Variants in NELL1 observed in about 807,000 individuals in gnomAD.
The protein encoded by NELL1 is neural EGFL like 1.
In NELL1, 76 loss-of-function variants were observed where a neutral mutation model predicts 107.4. The observed-to-expected ratio is 0.71, with a 90% CI of 0.59 to 0.86. The LOEUF (loss-of-function observed/expected upper bound fraction) is 0.86. Ranked by LOEUF, NELL1 falls within the 40% of genes least tolerant of loss-of-function variation. The probability of loss-of-function intolerance (pLI) is 0.00; values close to 1 mark genes in which losing one functional copy is unlikely to be tolerated. For synonymous variants in NELL1, 353 were observed against 341.2 expected (o/e 1.03, Z -0.38); for missense variants, 1,024 against 1,005.5 (o/e 1.02, Z -0.25).
At chr11:21,119,601 A>T (rs1855317929) in intron 13 of NELL1, among the ~76,000 whole-genome samples, 1 of 151,982 alleles carries the variant, frequency 6.6e-6, no homozygotes, top group Non-Finnish European at 1.5e-5. Context: ...AATCTAAAAC[A>T]TTTGGCCTTT....
At chr11:21,374,558 G>C (rs1273440364) in intron 15 of NELL1, among the ~76,000 whole-genome samples, 2 of 152,028 alleles carry the variant, frequency 1.3e-5, no homozygotes, top group Non-Finnish European at 2.9e-5. Context: ...CCTTAGAGGA[G>C]ACTCACTCTA....
intron 15 of NELL1, among the ~76,000 whole-genome samples, chr11:21,373,942 G>A (rs1311377378): frequency 1.3e-5 from 2 of 151,986 alleles, no homozygotes; most frequent in African/African-American, 4.8e-5. Flanking sequence ...AAGGGCTGCT[G>A]GTGAATGCTC....
intron 11 of NELL1, among the ~76,000 whole-genome samples, chr11:20,955,138 T>G (rs968550277): frequency 6.6e-6 from 1 of 152,092 alleles, no homozygotes; most frequent in Non-Finnish European, 1.5e-5. Context: ...AAGTACCCCT[T>G]TGGTAGGAAA....
intron 14 of NELL1, among the ~76,000 whole-genome samples, chr11:21,270,180 A>C (rs1848713001): frequency 6.6e-6 from 1 of 152,140 alleles, no homozygotes; most frequent in African/African-American, 2.4e-5. Flanking sequence ...AAGCAGTAAT[A>C]AATATAGTAG....
intron 12 of NELL1, among the ~76,000 whole-genome samples, chr11:20,996,961 TCTC>T (rs1852103821): frequency 6.6e-6 from 1 of 152,164 alleles, no homozygotes; most frequent in Non-Finnish European, 1.5e-5. Context: ...TTTAGGAACT[TCTC>T]CTACATCATA....
At chr11:20,927,555 T>TAAAAACCTAACAA in intron 8 of NELL1, 113 bp downstream of exon 8, 1 of 1,059,966 alleles carries the variant, frequency 9.4e-7, no homozygotes, top group Non-Finnish European at 1.3e-6. Flanking sequence ...AATTGTTAGG[T>TAAAAACCTAACAA]TTTTACCTAG....
intron 12 of NELL1, among the ~76,000 whole-genome samples, chr11:21,109,419 G>A (rs112779563): frequency 3.9e-5 from 6 of 152,116 alleles, no homozygotes; most frequent in East Asian, 1.9e-4. Context: ...AATTTTTAGC[G>A]TGAACATGGA....
intron 5 of NELL1, among the ~76,000 whole-genome samples, chr11:20,902,021 A>G (rs1410700361): frequency 1.3e-5 from 2 of 152,168 alleles, no homozygotes; most frequent in Non-Finnish European, 2.9e-5. Context: ...TACAAGTACA[A>G]TTGAATTAAA....
intron 12 of NELL1, among the ~76,000 whole-genome samples, chr11:21,094,651 A>G (rs984058367): frequency 6.6e-6 from 1 of 152,168 alleles, no homozygotes; most frequent in Non-Finnish European, 1.5e-5. Flanking sequence ...GCTTAACACC[A>G]TGTGGAAGCT....
At chr11:21,087,836 T>G (rs562839064) in intron 12 of NELL1, among the ~76,000 whole-genome samples, 1 of 152,316 alleles carries the variant, frequency 6.6e-6, no homozygotes, top group African/African-American at 2.4e-5. Flanking sequence ...CACACTTACT[T>G]GCTTATGCAT....
intron 15 of NELL1, among the ~76,000 whole-genome samples, chr11:21,480,923 C>G (rs1176834968): frequency 6.6e-6 from 1 of 152,156 alleles, no homozygotes; most frequent in Non-Finnish European, 1.5e-5. Flanking sequence ...CTCTTTCTCA[C>G]AACTTCTTTT....
chr11:21,134,013 C>A (rs1242226749), intron 13 of NELL1, among the ~76,000 whole-genome samples: 2 of 152,240 alleles, frequency 1.3e-5, no homozygotes, highest in Non-Finnish European at 2.9e-5. Flanking sequence ...TTCAGACAGG[C>A]CGCAGCTGCC....
chr11:20,673,092 C>T (rs2133844515), intron 1 of NELL1, among the ~76,000 whole-genome samples: 1 of 151,494 alleles, frequency 6.6e-6, no homozygotes, highest in African/African-American at 2.4e-5. Context: ...GAACTCCTGA[C>T]CTCAGGTGAT....
At chr11:21,150,544 T>C (rs1412052241) in intron 13 of NELL1, among the ~76,000 whole-genome samples, 2 of 152,144 alleles carry the variant, frequency 1.3e-5, no homozygotes, top group Non-Finnish European at 2.9e-5. Context: ...CCCTGACTGT[T>C]ACTTTTGCCG....
intron 4 of NELL1, among the ~76,000 whole-genome samples, chr11:20,882,157 G>T (rs1849420876): frequency 6.6e-6 from 1 of 152,170 alleles, no homozygotes; most frequent in Non-Finnish European, 1.5e-5. Flanking sequence ...ACTTTGGCTG[G>T]CATGTATAGC....
intron 2 of NELL1, among the ~76,000 whole-genome samples, chr11:20,753,274 G>T (rs187979767): frequency 2.2e-3 from 340 of 152,326 alleles, no homozygotes; most frequent in Non-Finnish European, 3.8e-3. Flanking sequence ...TTTTAATGGA[G>T]AAATTTTGTA....
intron 12 of NELL1, among the ~76,000 whole-genome samples, chr11:20,996,411 G>A (rs1168515055): frequency 6.6e-6 from 1 of 152,162 alleles, no homozygotes; most frequent in Admixed American, 6.5e-5. Context: ...AGTGCTGCCA[G>A]GAAGCCTTTC....
chr11:20,757,796 C>CT (rs1287782367), intron 2 of NELL1, among the ~76,000 whole-genome samples: 9 of 152,264 alleles, frequency 5.9e-5, no homozygotes, highest in South Asian at 2.1e-4. Flanking sequence ...CCATGTTCTC[C>CT]TTTTTTTGCA....
intron 16 of NELL1, among the ~76,000 whole-genome samples, chr11:21,549,319 T>A (rs537866448): frequency 6.6e-6 from 1 of 152,054 alleles, no homozygotes; most frequent in African/African-American, 2.4e-5. Context: ...GGTATTGTTA[T>A]TATGCATAAC....
Sources: allele counts gnomAD v4.1 joint callset (sites outside exome capture counted in the v4.1 genomes callset), GRCh38; gene constraint gnomAD v4.1.1; transcripts MANE v1.5; gene names NCBI Gene and HGNC (gene_info 2026-07-23, HGNC 2026-07-21).